MTHFD1L: variants seen among roughly 807,000 people sequenced by gnomAD.
MTHFD1L encodes methylenetetrahydrofolate dehydrogenase (NADP+ dependent) 1 like, also known as monofunctional C1-tetrahydrofolate synthase, mitochondrial.
In MTHFD1L, 81 loss-of-function variants were observed where a neutral mutation model predicts 119.5. The ratio of observed to expected loss-of-function variants is 0.68; its 90% CI spans 0.57 to 0.82. The LOEUF (loss-of-function observed/expected upper bound fraction) is 0.82, where lower values mean the gene tolerates loss of function less well. Ranked by LOEUF, MTHFD1L falls within the 40% of genes least tolerant of loss-of-function variation. The probability of loss-of-function intolerance (pLI) is 0.00; values close to 1 mark genes in which losing one functional copy is unlikely to be tolerated. For missense variants in MTHFD1L, 1,125 were observed against 1,253.4 expected (o/e 0.90, Z 1.55); for synonymous variants, 430 against 475.2 (o/e 0.90, Z 1.24).
At position 150,911,929 on chromosome 6, in the gene MTHFD1L, G is replaced by T. The variant is rs544213738; in HGVS notation, c.892+6168G>T. ...CATGATTCAAATTATCTCCCACTGG[G>T]TCCCTCCTACAACACGTGGGAATTA... On this transcript the variant is annotated intron_variant, in intron 8 of 27. Coordinates refer to ENST00000367321, the MANE Select transcript of MTHFD1L (RefSeq NM_015440.5). Among the ~76,000 whole-genome samples, 200 of 152,068 alleles carry T rather than the reference G, an allele frequency of 1.3e-3. 1 individual carries two copies. Among genetic ancestry groups the T allele is most frequent in the African/African-American group, 4.5e-3 (188 of 41,498 alleles).
intron 26 of MTHFD1L, among the ~76,000 whole-genome samples, chr6:151,051,969 GT>G (rs1441490129): frequency 2.0e-5 from 3 of 152,252 alleles, no homozygotes; most frequent in Admixed American, 6.5e-5. Context: ...GGAGCTTCCA[GT>G]GGGGGCAATA....
intron 1 of MTHFD1L, among the ~76,000 whole-genome samples, chr6:150,875,185 A>G (rs957544429): frequency 6.6e-6 from 1 of 151,938 alleles, no homozygotes; most frequent in African/African-American, 2.4e-5. Context: ...CCTCCCAAGT[A>G]TCTGGGACTA....
At chr6:151,001,915 A>C (rs9478909) in intron 20 of MTHFD1L, among the ~76,000 whole-genome samples, 1 of 151,922 alleles carries the variant, frequency 6.6e-6, no homozygotes, top group Non-Finnish European at 1.5e-5. Context: ...GACAACAAGC[A>C]CTCTGACTTA....
intron 26 of MTHFD1L, among the ~76,000 whole-genome samples, chr6:151,037,772 C>T (rs1786407652): frequency 1.3e-5 from 2 of 152,174 alleles, no homozygotes; most frequent in Admixed American, 1.3e-4. Flanking sequence ...TACAGCTACA[C>T]AGTGATAGCC....
intron 20 of MTHFD1L, among the ~76,000 whole-genome samples, chr6:151,006,986 G>A (rs503348): frequency 0.07 from 10,628 of 152,034 alleles, 452 homozygotes; most frequent in African/African-American, 0.11. Context: ...CCCACTCCCC[G>A]GTACTAATCA....
At chr6:151,009,619 T>TCTCTTTA (rs1781938301) in intron 20 of MTHFD1L, among the ~76,000 whole-genome samples, 200 bp from the exon 21 acceptor site, 1 of 151,940 alleles carries the variant, frequency 6.6e-6, no homozygotes, top group Non-Finnish European at 1.5e-5. Context: ...GGCCTGGCGG[T>TCTCTTTA]GGGAAGCAGA....
chr6:151,101,166 TA>T (rs200049492), intron 27 of MTHFD1L, among the ~76,000 whole-genome samples: 7 of 151,912 alleles, frequency 4.6e-5, no homozygotes, highest in African/African-American at 1.7e-4. Context: ...CTCAAAAAAT[TA>T]AAAAAAAATT....
At chr6:150,967,960 C>A (rs977134588) in intron 19 of MTHFD1L, among the ~76,000 whole-genome samples, 2 of 151,832 alleles carry the variant, frequency 1.3e-5, no homozygotes, top group Non-Finnish European at 2.9e-5. Context: ...ATCTGGCTCT[C>A]ACCCCTTCCC....
chr6:150,965,112 A>G (rs1050847240), intron 19 of MTHFD1L, 75 bp downstream of exon 19: 3 of 1,337,382 alleles, frequency 2.2e-6, no homozygotes, highest in African/African-American at 1.4e-5. Flanking sequence ...TTTAGCCAAT[A>G]TGAGGCAGGC....
chr6:150,866,786 C>CCGGCCT (rs777946829), intron 1 of MTHFD1L, among the ~76,000 whole-genome samples: 4 of 152,210 alleles, frequency 2.6e-5, no homozygotes, highest in Non-Finnish European at 5.9e-5. Context: ...AGCCCCGGGC[C>CCGGCCT]CGGCCTTTCC....
At chr6:150,874,390 C>A (rs74401855) in intron 1 of MTHFD1L, among the ~76,000 whole-genome samples, 14,264 of 152,262 alleles carry the variant, frequency 0.094, 780 homozygotes, top group Middle Eastern at 0.17. Flanking sequence ...GCTCTCTCCC[C>A]TAAAGCCCCG....
chr6:151,049,242 G>A (rs11753646), intron 26 of MTHFD1L, among the ~76,000 whole-genome samples: 6,578 of 152,198 alleles, frequency 0.043, 171 homozygotes, highest in Middle Eastern at 0.088. Context: ...CAGTAATCCC[G>A]GCACTTTGGG....
intron 23 of MTHFD1L, among the ~76,000 whole-genome samples, 170 bp from the exon 24 acceptor site, chr6:151,015,345 CT>C (rs909140552): frequency 1.3e-5 from 2 of 149,948 alleles, no homozygotes; most frequent in Non-Finnish European, 3.0e-5. Context: ...TTAGAGAGGA[CT>C]TTTTTTTTCC....
intron 1 of MTHFD1L, among the ~76,000 whole-genome samples, chr6:150,875,047 CTT>C (rs879462443): frequency 2.1e-5 from 3 of 142,530 alleles, no homozygotes; most frequent in Admixed American, 1.4e-4. Flanking sequence ...CGCTCCTGGA[CTT>C]TTTTTTTTTT....
intron 1 of MTHFD1L, among the ~76,000 whole-genome samples, chr6:150,874,586 G>C (rs973477929): frequency 3.3e-5 from 5 of 152,232 alleles, no homozygotes; most frequent in Non-Finnish European, 5.9e-5. Context: ...AAAATGTAAA[G>C]GTGGTCTTAG....
In MTHFD1L at chr6:151,014,968, T is replaced by C. The variant is rs147116663; in HGVS notation, c.2396T>C (p.Leu799Pro). 2.4e-5 allele frequency: 39 copies of C among 1,613,932 alleles called. No individual in the cohort carries two copies. The highest frequency in any genetic ancestry group is 3.3e-5 in the Non-Finnish European group (39 of 1,179,950). The change falls in exon 23 of 28, where the codon CTG becomes CCG. Residue 799 changes from leucine to proline, a missense_variant. Leu to Pro is a moderately conservative substitution (Grantham distance 98, BLOSUM62 -3). Coordinates refer to ENST00000367321, the MANE Select transcript of MTHFD1L (RefSeq NM_015440.5). ...QLFGVPVVVA[L>P]NVFKTDTRAE... is the part of the protein sequence containing the mutation. Reference sequence around the variant, plus strand: ...TTTGGGGTTCCCGTTGTGGTGGCTCTGAATGTCTTCAAGTAAGTCCAGCCT... The same window carrying C: ...TTTGGGGTTCCCGTTGTGGTGGCTCCGAATGTCTTCAAGTAAGTCCAGCCT...
At chr6:150,991,863 G>T (rs532454149) in intron 20 of MTHFD1L, among the ~76,000 whole-genome samples, 2 of 152,314 alleles carry the variant, frequency 1.3e-5, no homozygotes, top group East Asian at 3.9e-4. Flanking sequence ...TGAGAAGATG[G>T]CACTGAGGCG....
intron 23 of MTHFD1L, 27 bp from the exon 24 acceptor site, chr6:151,015,489 C>G (rs374627162): frequency 6.9e-6 from 11 of 1,586,896 alleles, no homozygotes; most frequent in Non-Finnish European, 9.4e-6. Context: ...GATACAGATG[C>G]AAAACCACAA....
chr6:150,968,496 GTTTGTTTTGT>G (rs71014531), intron 19 of MTHFD1L, among the ~76,000 whole-genome samples: 251 of 152,086 alleles, frequency 1.7e-3, no homozygotes, highest in African/African-American at 5.1e-3. Flanking sequence ...TATTGTTGTT[GTTTGTTTTGT>G]TTTGTTTTGT....
Sources: gnomAD v4.1 joint callset for allele counts (sites outside exome capture counted in the v4.1 genomes callset) on GRCh38, gnomAD v4.1.1 for gene constraint, MANE v1.5 for transcripts, NCBI Gene and HGNC (gene_info 2026-07-23, HGNC 2026-07-21) for gene names.